Variants in ZSWIM5 observed in about 807,000 individuals in gnomAD.
ZSWIM5 encodes the protein zinc finger SWIM-type containing 5, also known as zinc finger SWIM domain-containing protein 5.
A neutral mutation model predicts 119.6 loss-of-function variants in ZSWIM5; 55 were observed. That is an observed-to-expected ratio of 0.46 (90% CI 0.37 to 0.58). ZSWIM5 has a LOEUF of 0.58. Ranked by LOEUF, ZSWIM5 falls within the 20% of genes least tolerant of loss-of-function variation. The pLI is 0.00. For missense variants in ZSWIM5, 1,193 were observed against 1,512.8 expected, an observed-to-expected ratio of 0.79 and a Z score of 3.51; for synonymous variants, 537 against 606.9, an observed-to-expected ratio of 0.88 and a Z score of 1.69.
chr1:45,190,137 A>T (rs1465060808), intron 1 of ZSWIM5, among the ~76,000 whole-genome samples: 1 of 152,066 alleles, frequency 6.6e-6, no homozygotes, highest in African/African-American at 2.4e-5. Flanking sequence ...AACATGGAAA[A>T]ACCCTGTCTC....
intron 1 of ZSWIM5, among the ~76,000 whole-genome samples, chr1:45,143,136 C>T (rs1271937951): frequency 4.2e-5 from 6 of 143,540 alleles, no homozygotes; most frequent in African/African-American, 1.6e-4. Flanking sequence ...TGTGCTACTG[C>T]ACTCCAGCCT....
At chr1:45,079,364 T>C (rs887443805) in intron 2 of ZSWIM5, among the ~76,000 whole-genome samples, 9 of 152,214 alleles carry the variant, frequency 5.9e-5, no homozygotes, top group Non-Finnish European at 8.8e-5. Flanking sequence ...ACTTCCACTC[T>C]TCCTGCCCCT....
intron 1 of ZSWIM5, among the ~76,000 whole-genome samples, chr1:45,168,353 G>A (rs1011680083): frequency 1.3e-5 from 2 of 151,772 alleles, no homozygotes; most frequent in African/African-American, 4.8e-5. Context: ...AGGCGGGAGG[G>A]ATAACATTAG....
intron 1 of ZSWIM5, among the ~76,000 whole-genome samples, chr1:45,171,675 T>C (rs1369683472): frequency 1.3e-5 from 2 of 152,034 alleles, no homozygotes; most frequent in Non-Finnish European, 2.9e-5. Context: ...TAAAGCACTA[T>C]CAAAGGGGCT....
In ZSWIM5 at chr1:45,063,508, T is replaced by C. The variant is rs529184991; in HGVS notation, c.953-3261A>G. Among the ~76,000 whole-genome samples, 6 of 152,278 alleles carry C rather than the reference T, an allele frequency of 3.9e-5. No individual in the cohort carries two copies. In the South Asian group the frequency reaches 1.0e-3, roughly 26 times the overall value. ...AGGCCCTCTATGCTCAGGCCCTATCTTTTATTTTTCATCTTGTCTTCCCCT... is the reference window on the plus strand; with the variant it reads ...AGGCCCTCTATGCTCAGGCCCTATCCTTTATTTTTCATCTTGTCTTCCCCT... On this transcript the variant is annotated intron_variant, in intron 2 of 13. Transcript: ENST00000359600.
rs182683429 is a variant in ZSWIM5 at position 45,034,619 on chromosome 1, A to C, written c.2292-150T>G. Reference sequence around the variant, plus strand: ...GGTTTTTAAACCTATGGTACTATACACTATATGAGGTGAGTGCCTGGGCAC... The same window carrying C: ...GGTTTTTAAACCTATGGTACTATACCCTATATGAGGTGAGTGCCTGGGCAC... On this transcript the variant is annotated intron_variant, in intron 10 of 13. Coordinates refer to ENST00000359600, the MANE Select transcript of ZSWIM5 (RefSeq NM_020883.2). The C allele has an allele frequency of 3.8e-5, 32 of 851,252 alleles. No individual in the cohort carries two copies. The Admixed American group carries it at 3.9e-4, about 10-fold the overall frequency. 52.7% of individuals were successfully genotyped at this position (851,252 alleles called of 1,614,324 possible).
chr1:45,108,461 C>T (rs906799787), intron 1 of ZSWIM5, among the ~76,000 whole-genome samples: 4 of 152,000 alleles, frequency 2.6e-5, no homozygotes, highest in African/African-American at 9.7e-5. Flanking sequence ...TGAGAGCCTT[C>T]GAAATAGTTT....
chr1:45,105,581 T>C lies in ZSWIM5; in HGVS notation c.596-17344A>G, dbSNP rs1350619933. On this transcript the variant is annotated intron_variant, in intron 1 of 13. Coordinates refer to ENST00000359600, the MANE Select transcript of ZSWIM5 (RefSeq NM_020883.2). ...GCTGCCCCGAATGGGAAGTGAGGAG[T>C]GCCTCTGCCTGGCCGCCCCCTCTGG... 1.8e-4 allele frequency among the ~76,000 whole-genome samples: 18 copies of C among 98,588 alleles called. No homozygotes were observed. In the South Asian group the frequency reaches 2.2e-3, roughly 12 times the overall value. 64.7% of individuals were successfully genotyped at this position (98,588 alleles called of 152,430 possible). A position where few individuals can be genotyped will look rare whatever the true frequency, so the allele number is the denominator to read the frequency against.
intron 1 of ZSWIM5, among the ~76,000 whole-genome samples, chr1:45,101,196 A>G (rs577043828): frequency 6.6e-6 from 1 of 152,184 alleles, no homozygotes; most frequent in African/African-American, 2.4e-5. Flanking sequence ...ACAAATTTAC[A>G]AGAAAAAAAA....
chr1:45,084,803 G>A (rs1162972358), intron 2 of ZSWIM5, among the ~76,000 whole-genome samples: 1 of 152,236 alleles, frequency 6.6e-6, no homozygotes, highest in East Asian at 1.9e-4. Flanking sequence ...TGAGAGCTCA[G>A]CTCCCACAGC....
intron 1 of ZSWIM5, among the ~76,000 whole-genome samples, chr1:45,102,947 C>G: frequency 6.6e-6 from 1 of 152,068 alleles, no homozygotes; most frequent in East Asian, 1.9e-4. Context: ...ACTGCAACTT[C>G]GACCTTCAGG....
At chr1:45,138,350 C>T (rs536647117) in intron 1 of ZSWIM5, among the ~76,000 whole-genome samples, 1 of 151,662 alleles carries the variant, frequency 6.6e-6, no homozygotes, top group Non-Finnish European at 1.5e-5. Flanking sequence ...ACTAAAAATA[C>T]AAAAATTAGC....
chr1:45,034,303 T>A lies in ZSWIM5; in HGVS notation c.2449+9A>T. The A allele has an allele frequency of 6.3e-7, 1 of 1,592,918 alleles. No individual in the cohort carries two copies. Among genetic ancestry groups the A allele is most frequent in the Non-Finnish European group, 8.6e-7 (1 of 1,169,126 alleles). ...GTGATGCTGGAGCTTAAGGTCTATCTATGCTCACCTTTGGCAGCAGTCAGC... is the reference window on the plus strand; with the variant it reads ...GTGATGCTGGAGCTTAAGGTCTATCAATGCTCACCTTTGGCAGCAGTCAGC... On this transcript the variant is annotated intron_variant, in intron 11 of 13. Coordinates refer to ENST00000359600, the MANE Select transcript of ZSWIM5 (RefSeq NM_020883.2).
At chr1:45,041,997 A>G (rs1482782389) in intron 6 of ZSWIM5, among the ~76,000 whole-genome samples, 2 of 152,324 alleles carry the variant, frequency 1.3e-5, no homozygotes, top group African/African-American at 2.4e-5. Flanking sequence ...ATGTATATCT[A>G]TTGAGCTAAT....
At chr1:45,058,829 G>A in intron 3 of ZSWIM5, 70 bp from the exon 4 acceptor site, 3 of 1,572,726 alleles carry the variant, frequency 1.9e-6, no homozygotes, top group Non-Finnish European at 2.6e-6. Flanking sequence ...AAGGAAGTGG[G>A]GGAGGGGGAA....
chr1:45,153,429 C>A (rs968060386), intron 1 of ZSWIM5, among the ~76,000 whole-genome samples: 1 of 151,454 alleles, frequency 6.6e-6, no homozygotes, highest in Non-Finnish European at 1.5e-5. Context: ...TCGCTTGAAC[C>A]TGGAAGGCAG....
At chr1:45,091,422 C>G (rs146853843) in intron 1 of ZSWIM5, among the ~76,000 whole-genome samples, 2,220 of 150,392 alleles carry the variant, frequency 0.015, 50 homozygotes, top group African/African-American at 0.053. Flanking sequence ...TGTGGGGGGC[C>G]AAGGCAGGAG....
chr1:45,187,857 AGTCACCAG>A (rs1646068341), intron 1 of ZSWIM5, among the ~76,000 whole-genome samples: 2 of 152,214 alleles, frequency 1.3e-5, no homozygotes, highest in Non-Finnish European at 2.9e-5. Context: ...CAACATCATT[AGTCACCAG>A]AGAAATGCAA....
chr1:45,035,859 A>G, intron 9 of ZSWIM5, 36 bp from the exon 10 acceptor site: 1 of 1,608,220 alleles, frequency 6.2e-7, no homozygotes, highest in Non-Finnish European at 8.5e-7. Context: ...ATTTATCTGT[A>G]TGCTTCCATC....
Sources: gnomAD v4.1 joint callset for allele counts (sites outside exome capture counted in the v4.1 genomes callset) on GRCh38, gnomAD v4.1.1 for gene constraint, MANE v1.5 for transcripts, NCBI Gene and HGNC (gene_info 2026-07-23, HGNC 2026-07-21) for gene names.